Variants in RGS1 observed in about 807,000 individuals in gnomAD.
RGS1 encodes the protein B-cell activation protein BL34.
A neutral mutation model predicts 22.2 loss-of-function variants in RGS1; 11 were observed. The observed-to-expected ratio is 0.50, with a 90% CI of 0.31 to 0.82. The LOEUF (loss-of-function observed/expected upper bound fraction) is 0.82. Among genes scored for constraint, RGS1 ranks in the 40% least tolerant of loss-of-function variants. The pLI, the probability that RGS1 is intolerant of heterozygous loss-of-function variation, is 0.04. For missense variants in RGS1, 255 were observed against 245.8 expected, an observed-to-expected ratio of 1.04 and a Z score of -0.25; for synonymous variants, 81 against 79.9, an observed-to-expected ratio of 1.01 and a Z score of -0.07.
chr1:192,576,868 G>C (rs1662070632), intron 3 of RGS1, 33 bp downstream of exon 3: 2 of 1,569,790 alleles, frequency 1.3e-6, no homozygotes, highest in East Asian at 4.5e-5. Flanking sequence ...TCTGGGTTCA[G>C]CTAAATACTC....
chr1:192,578,049 A>G (rs1339805776), intron 3 of RGS1, 173 bp from the exon 4 acceptor site: 13 of 742,756 alleles, frequency 1.8e-5, no homozygotes, highest in South Asian at 7.1e-5. Flanking sequence ...AGAAATTTCA[A>G]ATGACTTCTC....
rs778495843 is a variant in RGS1, at chr1:192,575,918, G to C, written c.126G>C (p.Arg42Ser). The change falls in exon 1 of 5, where the codon AGG becomes AGC. Residue 42 changes from arginine (R) to serine (S), a missense_variant. Physicochemically the swap from Arg to Ser is moderately radical, Grantham distance 110. Coordinates refer to ENST00000367459, the MANE Select transcript of RGS1 (RefSeq NM_002922.4). ...SLLDDKMQKR[R>S]PKTFGMDMKA... ...TAGACGACAAAATGCAAAAAAGGAG[G>C]CCAAAGACTTTGTAAGTTTGTTCAG... is the stretch of plus-strand genomic sequence containing the variant. 2.5e-6 allele frequency: 4 copies of C among 1,612,918 alleles called. No homozygotes were observed. In the South Asian group the frequency reaches 4.4e-5, roughly 18 times the overall value.
chr1:192,576,435 C>A, intron 2 of RGS1, 70 bp downstream of exon 2: 2 of 1,139,800 alleles, frequency 1.8e-6, no homozygotes, highest in Non-Finnish European at 2.6e-6. Flanking sequence ...CTCTATATCC[C>A]AGCAAGGGAT....
intron 4 of RGS1, 195 bp from the exon 5 acceptor site, chr1:192,578,942 A>G: frequency 3.6e-6 from 2 of 563,076 alleles, no homozygotes; most frequent in Non-Finnish European, 6.0e-6. Context: ...AATTTGGAAC[A>G]AAGACATTTT....
chr1:192,578,127 A>G, intron 3 of RGS1, 95 bp from the exon 4 acceptor site: 1 of 1,403,434 alleles, frequency 7.1e-7, no homozygotes, highest in South Asian at 1.4e-5. Flanking sequence ...AATAGGAAGC[A>G]ATTGTATTTT....
Position 192,579,360 on chromosome 1 carries a change from A to C in RGS1, c.*38A>C. 1.3e-6 allele frequency: 2 copies of C among 1,599,472 alleles called. No individual in the cohort carries two copies. Among genetic ancestry groups the C allele is most frequent in the Non-Finnish European group, 1.7e-6 (2 of 1,171,556 alleles). On this transcript the variant is annotated 3_prime_UTR_variant, in exon 5 of 5. Transcript: ENST00000367459. ...TGAAGGGAATTAACAGATAGTATCA[A>C]GCGCAGAAGGAATGTGCCAGTATGG...
chr1:192,577,568 T>C (rs933444895), intron 3 of RGS1: 6 of 152,268 alleles, frequency 3.9e-5, no homozygotes, highest in African/African-American at 1.4e-4. Context: ...CTCTAAAGAG[T>C]GAGATTATTC....
At position 192,578,411 on chromosome 1, in the gene RGS1, G is replaced by A. The variant is rs755945894; in HGVS notation, c.444+26G>A. The A allele has an allele frequency of 1.9e-6, 3 of 1,609,238 alleles. No individual in the cohort carries two copies. The South Asian group carries it at 3.3e-5, about 18-fold the overall frequency. On this transcript the variant is annotated intron_variant, in intron 4 of 4. Coordinates refer to ENST00000367459, the MANE Select transcript of RGS1 (RefSeq NM_002922.4). ...GTGAGTATTAAGCTTATCATCATCAGTTTCTCCATAAAAGACCCTATATGC... is the reference window on the plus strand; with the variant it reads ...GTGAGTATTAAGCTTATCATCATCAATTTCTCCATAAAAGACCCTATATGC...
At position 192,578,238 on chromosome 1, in the gene RGS1, T is replaced by A. The variant is rs745712891; in HGVS notation, c.297T>A (p.Phe99Leu). Residue 99 changes from phenylalanine to leucine, a missense_variant, in exon 4 of 5, where the codon TTT becomes TTA. By Grantham distance (22) the Phe-to-Leu change is conservative (BLOSUM62 0). Coordinates refer to ENST00000367459, the MANE Select transcript of RGS1 (RefSeq NM_002922.4). ...LLANQTGQNV[F>L]GSFLKSEFSE... Reference sequence around the variant, plus strand: ...TCTTTTTAGCTGGTCAAAATGTCTTTGGAAGTTTCCTAAAGTCTGAATTCA... The same window carrying A: ...TCTTTTTAGCTGGTCAAAATGTCTTAGGAAGTTTCCTAAAGTCTGAATTCA... 1 of 1,611,852 alleles carries A rather than the reference T, an allele frequency of 6.2e-7. No individual in the cohort carries two copies. Among genetic ancestry groups the A allele is most frequent in the South Asian group, 1.1e-5 (1 of 90,608 alleles).
chr1:192,576,591 GTTT>G, intron 2 of RGS1, 180 bp from the exon 3 acceptor site: 1 of 603,144 alleles, frequency 1.7e-6, no homozygotes, highest in East Asian at 3.2e-5. Context: ...TTATTGGCAG[GTTT>G]TTTTTTTCAT....
At chr1:192,576,398 C>G (rs1487510935) in intron 2 of RGS1, 33 bp downstream of exon 2, 1 of 1,461,986 alleles carries the variant, frequency 6.8e-7, no homozygotes, top group South Asian at 1.1e-5. Context: ...CTATCATTAT[C>G]ATTTACAAGA....
chr1:192,575,950 A>G, intron 1 of RGS1, 21 bp downstream of exon 1: 1 of 1,611,250 alleles, frequency 6.2e-7, no homozygotes, highest in Non-Finnish European at 8.5e-7. Context: ...TCAGAGTCTC[A>G]CTTTGTGAAT....
chr1:192,576,878 C>A (rs1662070837), intron 3 of RGS1, 43 bp downstream of exon 3: 7 of 1,527,844 alleles, frequency 4.6e-6, no homozygotes, highest in Non-Finnish European at 6.3e-6. Flanking sequence ...GCTAAATACT[C>A]TAAAAAATTG....
chr1:192,579,362 C>A lies in RGS1; in HGVS notation c.*40C>A. 1.9e-6 allele frequency: 3 copies of A among 1,595,880 alleles called. No individual in the cohort carries two copies. The highest frequency in any genetic ancestry group is 2.6e-6 in the Non-Finnish European group (3 of 1,168,766). On this transcript the variant is annotated 3_prime_UTR_variant, in exon 5 of 5. Coordinates refer to ENST00000367459, the MANE Select transcript of RGS1 (RefSeq NM_002922.4). ...AAGGGAATTAACAGATAGTATCAAG[C>A]GCAGAAGGAATGTGCCAGTATGGCT...
chr1:192,579,276 T>C lies in RGS1; in HGVS notation c.584T>C (p.Ile195Thr). ...TATCCCAGGTTCCTCAAATCAGATATTTACTTAAATCTTCTAAATGACCTG... is the reference window on the plus strand; with the variant it reads ...TATCCCAGGTTCCTCAAATCAGATACTTACTTAAATCTTCTAAATGACCTG... ...DSYPRFLKSD[I>T]YLNLLNDLQA... Residue 195 changes from isoleucine to threonine, a missense_variant, in exon 5 of 5, where the codon ATT becomes ACT. By Grantham distance (89) the Ile-to-Thr change is moderately conservative (BLOSUM62 -1). Transcript: ENST00000367459. 1.2e-6 allele frequency: 2 copies of C among 1,613,056 alleles called. No individual in the cohort carries two copies. Among genetic ancestry groups the C allele is most frequent in the Non-Finnish European group, 1.7e-6 (2 of 1,179,360 alleles).
At chr1:192,577,900 A>G (rs1013219451) in intron 3 of RGS1, 1 of 266,412 alleles carries the variant, frequency 3.8e-6, no homozygotes, top group African/African-American at 2.2e-5. Flanking sequence ...TGGCATATAT[A>G]AAAGATGGTT....
Position 192,578,222 on chromosome 1 carries a change from C to T in RGS1, c.281C>T (p.Thr94Ile). ...QSLEKLLANQ[T>I]GQNVFGSFLK... ...CCACCCACCCCTCGTTTCTTTTTAG[C>T]TGGTCAAAATGTCTTTGGAAGTTTC... The change falls in exon 4 of 5, where the codon ACT (threonine) becomes ATT (isoleucine). Residue 94 changes from threonine (T) to isoleucine (I), a missense_variant and splice_region_variant. Thr to Ile is a moderately conservative substitution (Grantham distance 89, BLOSUM62 -1). Transcript: ENST00000367459. 3 of 1,602,320 alleles carry T rather than the reference C, an allele frequency of 1.9e-6. No homozygotes were observed. The highest frequency in any genetic ancestry group is 2.6e-6 in the Non-Finnish European group (3 of 1,174,652).
At chr1:192,576,539 C>A in intron 2 of RGS1, 174 bp downstream of exon 2, 2 of 632,734 alleles carry the variant, frequency 3.2e-6, no homozygotes, top group Non-Finnish European at 5.5e-6. Context: ...CAAATGTGTA[C>A]ACACACATAT....
rs1255955639 is a variant in RGS1 at position 192,578,169 on chromosome 1, TG to T, written c.281-52del. 4 of 1,551,922 alleles carry T rather than the reference TG, an allele frequency of 2.6e-6. No homozygotes were observed. In the African/African-American group the frequency reaches 5.5e-5, roughly 21 times the overall value. The stretch of plus-strand genomic sequence containing the variant: ...AAATTTCTTCTTCAAATTATTCATT[TG>T]TTGGTTCATTTAATTTAATTATCTC... On this transcript the variant is annotated intron_variant, in intron 3 of 4. Coordinates refer to ENST00000367459, the MANE Select transcript of RGS1 (RefSeq NM_002922.4).
Sources: allele counts gnomAD v4.1 joint callset, GRCh38; gene constraint gnomAD v4.1.1; transcripts MANE v1.5; gene names NCBI Gene and HGNC (gene_info 2026-07-23, HGNC 2026-07-21).